Variants in CEACAM5 observed in about 807,000 individuals in gnomAD.
The protein encoded by CEACAM5 is CEA cell adhesion molecule 5.
Under a neutral mutation model 63.0 loss-of-function variants are expected in CEACAM5, and 52 were observed. The ratio of observed to expected loss-of-function variants is 0.83; its 90% CI spans 0.66 to 1.04. The LOEUF is 1.04. Among genes scored for constraint, CEACAM5 ranks in the 50% least tolerant of loss-of-function variants. The pLI, the probability that CEACAM5 is intolerant of heterozygous loss-of-function variation, is 0.00. For missense variants in CEACAM5, 790 were observed against 864.8 expected (o/e 0.91, Z 1.08); for synonymous variants, 357 against 351.3 (o/e 1.02, Z -0.18).
chr19:41,709,763 G>C lies in CEACAM5; in HGVS notation c.148G>C (p.Glu50Gln), dbSNP rs1298504126. The change falls in exon 2 of 10, where the codon GAG becomes CAG. Residue 50 changes from glutamate to glutamine, a missense_variant. Physicochemically the swap from Glu to Gln is conservative, Grantham distance 29. Coordinates refer to ENST00000221992, the MANE Select transcript of CEACAM5 (RefSeq NM_004363.6). ...STPFNVAEGK[E>Q]VLLLVHNLPQ... is the part of the protein sequence containing the mutation. ...GCCGTTCAATGTCGCAGAGGGGAAG[G>C]AGGTGCTTCTACTTGTCCACAATCT... 19 of 1,614,022 alleles carry C rather than the reference G, an allele frequency of 1.2e-5. No individual in the cohort carries two copies. Among genetic ancestry groups the C allele is most frequent in the Non-Finnish European group, 1.2e-5 (14 of 1,180,028 alleles).
chr19:41,712,843 C>T (rs782021628), intron 2 of CEACAM5, among the ~76,000 whole-genome samples: 8 of 152,174 alleles, frequency 5.3e-5, no homozygotes, highest in Non-Finnish European at 1.2e-4. Flanking sequence ...CCCCAAATGT[C>T]TTTCACTTTT....
rs2072594343 is a variant in CEACAM5, at chr19:41,720,065, T to C, written c.1628T>C (p.Val543Ala). The change falls in exon 7 of 10, where the codon GTC becomes GCC. Residue 543 changes from valine to alanine, a missense_variant. Transcript: ENST00000221992. Reference protein sequence around the residue: ...LWWVNGQSLPVSPRLQLSNGN... With the variant: ...LWWVNGQSLPASPRLQLSNGN... Reference sequence around the variant, plus strand: ...TGGGTAAATGGTCAGAGCCTCCCAGTCAGTCCCAGGCTGCAGCTGTCCAAT... The same window carrying C: ...TGGGTAAATGGTCAGAGCCTCCCAGCCAGTCCCAGGCTGCAGCTGTCCAAT... The C allele has an allele frequency of 6.2e-7, 1 of 1,614,110 alleles. No individual in the cohort carries two copies.
intron 8 of CEACAM5, among the ~76,000 whole-genome samples, chr19:41,723,074 AT>A (rs568698753): frequency 0.035 from 5,080 of 145,800 alleles, 290 homozygotes; most frequent in African/African-American, 0.12. Context: ...AGCTTGGCTA[AT>A]TTTTTTTTTT....
intron 8 of CEACAM5, among the ~76,000 whole-genome samples, 191 bp downstream of exon 8, chr19:41,721,367 G>A (rs935414865): frequency 6.6e-6 from 1 of 152,200 alleles, no homozygotes; most frequent in African/African-American, 2.4e-5. Context: ...GATATCTCAC[G>A]GCTGACCTCG....
At chr19:41,723,774 C>T (rs1600476262) in intron 8 of CEACAM5, among the ~76,000 whole-genome samples, 2 of 151,664 alleles carry the variant, frequency 1.3e-5, no homozygotes, top group African/African-American at 4.8e-5. Context: ...AGTGAAACCC[C>T]GTCTCTACTA....
chr19:41,716,035 A>G, intron 4 of CEACAM5, 131 bp downstream of exon 4: 1 of 1,011,610 alleles, frequency 9.9e-7, no homozygotes. Flanking sequence ...AGATTCTCCC[A>G]CTGAACCTCC....
intron 6 of CEACAM5, 26 bp from the exon 7 acceptor site, chr19:41,719,904 C>T: frequency 6.2e-7 from 1 of 1,613,428 alleles, no homozygotes; most frequent in Non-Finnish European, 8.5e-7. Flanking sequence ...CCACACAGGG[C>T]AATCTTCTCT....
chr19:41,715,804 C>A lies in CEACAM5; in HGVS notation c.858C>A (p.Ile286=). 1.2e-6 allele frequency: 2 copies of A among 1,614,172 alleles called. No homozygotes were observed. The highest frequency in any genetic ancestry group is 1.7e-6 in the Non-Finnish European group (2 of 1,180,022). The change falls in exon 4 of 10, where the codon ATC becomes ATA. Residue 286 remains isoleucine (I), a synonymous_variant. Transcript: ENST00000221992. ...TFQQSTQELF[I]PNITVNNSGS... is the part of the protein sequence containing the mutation. ...AGCAATCCACCCAAGAGCTCTTTAT[C>A]CCCAACATCACTGTGAATAATAGTG...
At chr19:41,711,092 C>G (rs1555813988) in intron 2 of CEACAM5, among the ~76,000 whole-genome samples, 1 of 152,100 alleles carries the variant, frequency 6.6e-6, no homozygotes, top group Admixed American at 6.5e-5. Context: ...CATCTGAGAC[C>G]AGTCATGGGC....
chr19:41,716,692 T>C (rs2072531957), intron 4 of CEACAM5, among the ~76,000 whole-genome samples: 2 of 152,238 alleles, frequency 1.3e-5, no homozygotes, highest in South Asian at 2.1e-4. Context: ...CCACAGGGGC[T>C]CTGCACGGCA....
chr19:41,715,318 T>A (rs781821119), intron 3 of CEACAM5, 69 bp downstream of exon 3: 1 of 1,593,020 alleles, frequency 6.3e-7, no homozygotes, highest in Non-Finnish European at 8.6e-7. Context: ...GCAGGATTTC[T>A]CAGTCCCTCT....
At chr19:41,718,070 A>C in intron 5 of CEACAM5, 58 bp from the exon 6 acceptor site, 1 of 1,594,056 alleles carries the variant, frequency 6.3e-7, no homozygotes, top group Non-Finnish European at 8.6e-7. Flanking sequence ...TTCACAGACC[A>C]GGAGCTTCCC....
intron 3 of CEACAM5, 106 bp downstream of exon 3, chr19:41,715,355 C>A: frequency 6.7e-7 from 1 of 1,490,768 alleles, no homozygotes; most frequent in Non-Finnish European, 9.3e-7. Flanking sequence ...GACCCTCAAC[C>A]CTGGACATCC....
At chr19:41,720,557 A>G (rs1842694663) in intron 7 of CEACAM5, among the ~76,000 whole-genome samples, 1 of 131,740 alleles carries the variant, frequency 7.6e-6, no homozygotes, top group Non-Finnish European at 1.5e-5. Flanking sequence ...CCCAGGCTGG[A>G]CTGCAGTGGT....
At chr19:41,710,196 T>A (rs1568699779) in intron 2 of CEACAM5, 157 bp downstream of exon 2, 1 of 1,128,446 alleles carries the variant, frequency 8.9e-7, no homozygotes, top group Non-Finnish European at 1.3e-6. Context: ...AGAGACAAAC[T>A]TCAACAGATC....
Position 41,718,138 on chromosome 19 carries a change from C to G in CEACAM5, c.1248C>G (p.Asp416Glu), listed in dbSNP as rs199557633. The change falls in exon 6 of 10, where the codon GAC becomes GAG. Residue 416 changes from aspartate (D) to glutamate (E), a missense_variant. Physicochemically the swap from Asp to Glu is conservative, Grantham distance 45 (BLOSUM62 2). Transcript: ENST00000221992. ...PVILNVLYGPDDPTISPSYTY... is the reference protein window; with the variant it reads ...PVILNVLYGPEDPTISPSYTY... The stretch of plus-strand genomic sequence containing the variant: ...TTCTCTTTGCTCCAGATGGCCCAGA[C>G]GACCCCACCATTTCCCCCTCATACA... The G allele has an allele frequency of 5.6e-6, 9 of 1,614,164 alleles. No individual in the cohort carries two copies. Among genetic ancestry groups the G allele is most frequent in the Non-Finnish European group, 7.6e-6 (9 of 1,180,020 alleles).
chr19:41,713,132 C>T (rs2072463348), intron 2 of CEACAM5, among the ~76,000 whole-genome samples: 1 of 152,118 alleles, frequency 6.6e-6, no homozygotes, highest in Non-Finnish European at 1.5e-5. Flanking sequence ...TGGTGAAACC[C>T]CGTCTCTACT....
At position 41,718,281 on chromosome 19, in the gene CEACAM5, T is replaced by C. The variant is rs1241705361; in HGVS notation, c.1391T>C (p.Ile464Thr). The change falls in exon 6 of 10, where the codon ATC becomes ACC. Residue 464 changes from isoleucine (I) to threonine (T), a missense_variant. Physicochemically the swap from Ile to Thr is moderately conservative, Grantham distance 89. Transcript: ENST00000221992. ...CAGCAACACACACAAGAGCTCTTTATCTCCAACATCACTGAGAAGAACAGC... is the reference window on the plus strand; with the variant it reads ...CAGCAACACACACAAGAGCTCTTTACCTCCAACATCACTGAGAAGAACAGC... Reference protein sequence around the residue: ...NIQQHTQELFISNITEKNSGL... With the variant: ...NIQQHTQELFTSNITEKNSGL... The C allele has an allele frequency of 1.4e-5, 22 of 1,613,994 alleles. No individual in the cohort carries two copies. The highest frequency in any genetic ancestry group is 1.9e-5 in the Non-Finnish European group (22 of 1,180,026).
chr19:41,719,827 C>T (rs1440726811), intron 6 of CEACAM5, 103 bp from the exon 7 acceptor site: 2 of 1,564,106 alleles, frequency 1.3e-6, no homozygotes, highest in African/African-American at 2.7e-5. Flanking sequence ...CTTTTAAGGA[C>T]TCGGGTGGGC....
Sources: gnomAD v4.1 joint callset for allele counts (sites outside exome capture counted in the v4.1 genomes callset) on GRCh38, gnomAD v4.1.1 for gene constraint, MANE v1.5 for transcripts, NCBI Gene and HGNC (gene_info 2026-07-23, HGNC 2026-07-21) for gene names.